Variants in OPTN observed in about 807,000 individuals in gnomAD.
OPTN encodes E3-14.7K-interacting protein.
A neutral mutation model predicts 70.4 loss-of-function variants in OPTN; 54 were observed. That is an observed-to-expected ratio of 0.77 (90% confidence interval 0.62 to 0.96). The LOEUF is 0.96. Among genes scored for constraint, OPTN ranks in the 40% least tolerant of loss-of-function variants. The probability of loss-of-function intolerance (pLI) is 0.00; values close to 1 mark genes in which losing one functional copy is unlikely to be tolerated. For synonymous variants in OPTN, 256 were observed against 248.5 expected (o/e 1.03, Z -0.28); for missense variants, 624 against 673.2 (o/e 0.93, Z 0.81).
chr10:13,132,518 T>C (rs1833615335), intron 13 of OPTN, among the ~76,000 whole-genome samples: 1 of 151,948 alleles, frequency 6.6e-6, no homozygotes, highest in Non-Finnish European at 1.5e-5. Context: ...TGTTGTGTTG[T>C]TTTGTTTTGT....
chr10:13,122,895 T>C, intron 8 of OPTN: 1 of 253,994 alleles, frequency 3.9e-6, no homozygotes, highest in Non-Finnish European at 7.8e-6. Flanking sequence ...CAGGATGGTC[T>C]TGATCTCTTG....
At chr10:13,121,105 G>A (rs894004719) in intron 7 of OPTN, among the ~76,000 whole-genome samples, 1 of 152,040 alleles carries the variant, frequency 6.6e-6, no homozygotes, top group Non-Finnish European at 1.5e-5. Flanking sequence ...GGGATTATGG[G>A]GATTACAATT....
intron 1 of OPTN, among the ~76,000 whole-genome samples, 160 bp from the exon 2 acceptor site, chr10:13,107,977 AT>A (rs1832904616): frequency 6.6e-6 from 1 of 152,202 alleles, no homozygotes; most frequent in Non-Finnish European, 1.5e-5. Flanking sequence ...TTGGTCTTGC[AT>A]TTCTATGTCC....
intron 11 of OPTN, among the ~76,000 whole-genome samples, chr10:13,127,092 CTTG>C (rs1833483747): frequency 6.6e-6 from 1 of 152,158 alleles, no homozygotes; most frequent in African/African-American, 2.4e-5. Context: ...ACCACAGAAG[CTTG>C]TGAATTAGAA....
At chr10:13,123,953 A>G in intron 8 of OPTN, 42 bp from the exon 9 acceptor site, 1 of 1,422,518 alleles carries the variant, frequency 7.0e-7, no homozygotes, top group Non-Finnish European at 9.9e-7. Flanking sequence ...TTAATGTCAG[A>G]TGATAATTGT....
At chr10:13,128,585 C>T (rs1222454042) in intron 12 of OPTN, among the ~76,000 whole-genome samples, 45 of 134,040 alleles carry the variant, frequency 3.4e-4, no homozygotes, top group African/African-American at 1.2e-3. Context: ...CTCTGTCGCC[C>T]AGGCTGGAGT....
chr10:13,109,390 C>G, intron 3 of OPTN, 102 bp downstream of exon 3: 2 of 1,198,916 alleles, frequency 1.7e-6, no homozygotes, highest in East Asian at 2.4e-5. Flanking sequence ...CTCCCCGTTT[C>G]CATAGGTGGT....
intron 12 of OPTN, among the ~76,000 whole-genome samples, chr10:13,129,745 T>C (rs916714551): frequency 1.3e-5 from 2 of 152,188 alleles, no homozygotes; most frequent in African/African-American, 4.8e-5. Flanking sequence ...CACCAAAAGA[T>C]AAGCACTCCT....
intron 1 of OPTN, among the ~76,000 whole-genome samples, chr10:13,102,946 T>TA (rs1564351304): frequency 3.0e-5 from 2 of 66,668 alleles, no homozygotes; most frequent in East Asian, 3.3e-4. Flanking sequence ...GAGTCTTAAT[T>TA]TAAAAAAAAA....
At chr10:13,100,696 G>A (rs1443443819) in intron 1 of OPTN, among the ~76,000 whole-genome samples, 1 of 152,222 alleles carries the variant, frequency 6.6e-6, no homozygotes, top group Non-Finnish European at 1.5e-5. Context: ...GGGAGACATG[G>A]GACCACTACC....
In OPTN at chr10:13,125,975, A is replaced by T; in HGVS notation, c.1178A>T (p.His393Leu). Residue 393 changes from histidine to leucine, a missense_variant, in exon 11 of 15, where the codon CAC (histidine) becomes CTC (leucine). Coordinates refer to ENST00000378747, the MANE Select transcript of OPTN (RefSeq NM_001008212.2). Reference protein sequence around the residue: ...KSKLTVLQMTHNKLLQEHNNA... With the variant: ...KSKLTVLQMTLNKLLQEHNNA... ...AAATTAACTGTGCTACAGATGACAC[A>T]CAACAAGCTTCTTCAAGAACATAAT... 6.2e-7 allele frequency: 1 copy of T among 1,612,564 alleles called. No homozygotes were observed. The highest frequency in any genetic ancestry group is 8.5e-7 in the Non-Finnish European group (1 of 1,178,604).
chr10:13,108,835 C>T (rs1224738378), intron 2 of OPTN: 1 of 401,004 alleles, frequency 2.5e-6, no homozygotes, highest in Admixed American at 3.6e-5. Flanking sequence ...CGTGAGCCAC[C>T]ACGCCCGGCC....
At chr10:13,120,525 T>G (rs1009486452) in intron 7 of OPTN, among the ~76,000 whole-genome samples, 1 of 151,348 alleles carries the variant, frequency 6.6e-6, no homozygotes, top group Non-Finnish European at 1.5e-5. Context: ...AAAATTACAG[T>G]TGGCCACCGC....
At position 13,137,401 on chromosome 10, in the gene OPTN, ACTC is replaced by A. The variant is rs1185633932; in HGVS notation, c.*536_*538del. 3 of 233,784 alleles carry A rather than the reference ACTC, an allele frequency of 1.3e-5. No homozygotes were observed. The highest frequency in any genetic ancestry group is 2.5e-5 in the Non-Finnish European group (3 of 117,960). 14.5% of individuals were successfully genotyped at this position (233,784 alleles called of 1,614,324 possible). A position where few individuals can be genotyped will look rare whatever the true frequency, so the allele number is the denominator to read the frequency against. On this transcript the variant is annotated 3_prime_UTR_variant, in exon 15 of 15. Coordinates refer to ENST00000378747, the MANE Select transcript of OPTN (RefSeq NM_001008212.2). ...TCGCAAAGTAGAATCCTTACCTACTACTCTTCTGATAATAATTTTAATATTTTT... is the reference window on the plus strand; with the variant it reads ...TCGCAAAGTAGAATCCTTACCTACTATTCTGATAATAATTTTAATATTTTT...
intron 5 of OPTN, among the ~76,000 whole-genome samples, chr10:13,114,452 G>T (rs1417030103): frequency 6.6e-6 from 1 of 151,992 alleles, no homozygotes; most frequent in Non-Finnish European, 1.5e-5. Flanking sequence ...AACAGCATAT[G>T]AGAAGTTTCC....
rs1833640206 is a variant in OPTN at position 13,133,726 on chromosome 10, C to T, written c.1612+145C>T. 20 of 738,816 alleles carry T rather than the reference C, an allele frequency of 2.7e-5. No homozygotes were observed. In the East Asian group the frequency reaches 5.4e-4, roughly 20 times the overall value. 45.8% of individuals were successfully genotyped at this position (738,816 alleles called of 1,614,324 possible). ...ACCCGTCAGTCTCATTACCACAGCACTCCCATCTCCATCCATTACCCACCG... is the reference window on the plus strand; with the variant it reads ...ACCCGTCAGTCTCATTACCACAGCATTCCCATCTCCATCCATTACCCACCG... On this transcript the variant is annotated intron_variant, in intron 14 of 14. Transcript: ENST00000378747.
chr10:13,126,092 G>C, intron 11 of OPTN, 53 bp downstream of exon 11: 1 of 1,069,282 alleles, frequency 9.4e-7, no homozygotes, highest in South Asian at 1.3e-5. Flanking sequence ...AGAAACTGTT[G>C]AACGTTTTGT....
chr10:13,110,061 G>A (rs1190201411), intron 3 of OPTN: 5 of 741,320 alleles, frequency 6.7e-6, no homozygotes, highest in Non-Finnish European at 1.0e-5. Context: ...TATTTTCTTG[G>A]GATTTTTAAG....
At chr10:13,106,791 T>C (rs74865547) in intron 1 of OPTN, among the ~76,000 whole-genome samples, 4,270 of 152,292 alleles carry the variant, frequency 0.028, 196 homozygotes, top group African/African-American at 0.096. Flanking sequence ...CACACATAGA[T>C]ATCATGACAC....
Sources: gnomAD v4.1 joint callset for allele counts (sites outside exome capture counted in the v4.1 genomes callset) on GRCh38, gnomAD v4.1.1 for gene constraint, MANE v1.5 for transcripts, NCBI Gene and HGNC (gene_info 2026-07-23, HGNC 2026-07-21) for gene names.